The following PCDHGB6 variants were observed in gnomAD, a reference collection of about 807,000 sequenced individuals.
PCDHGB6 encodes protocadherin gamma subfamily B, 6.
Under a neutral mutation model 59.1 loss-of-function variants are expected in PCDHGB6, and 51 were observed. The observed-to-expected ratio is 0.86, with a 90% CI of 0.69 to 1.09. The LOEUF is 1.09. PCDHGB6 is among the 50% of genes least tolerant of loss of function. The probability of loss-of-function intolerance (pLI) is 0.00; values close to 1 mark genes in which losing one functional copy is unlikely to be tolerated. For missense variants in PCDHGB6, 1,148 were observed against 1,205.1 expected, an observed-to-expected ratio of 0.95 and a Z score of 0.70; for synonymous variants, 466 against 495.1, an observed-to-expected ratio of 0.94 and a Z score of 0.78.
intron 1 of PCDHGB6, chr5:141,421,516 T>C (rs199973694): frequency 6.8e-6 from 11 of 1,614,064 alleles, no homozygotes; most frequent in Non-Finnish European, 9.3e-6. Context: ...GGAGGAGCTC[T>C]GTGAGACGGT....
chr5:141,430,659 G>A, intron 1 of PCDHGB6: 1 of 1,110,600 alleles, frequency 9.0e-7, no homozygotes, highest in Non-Finnish European at 1.2e-6. Context: ...AACAACGGAG[G>A]AGCTCTGACT....
intron 3 of PCDHGB6, among the ~76,000 whole-genome samples, chr5:141,509,092 G>T (rs943269087): frequency 1.3e-5 from 2 of 152,180 alleles, no homozygotes; most frequent in African/African-American, 4.8e-5. Context: ...TGAAATGGGG[G>T]CTGTAGAAAC....
intron 1 of PCDHGB6, among the ~76,000 whole-genome samples, chr5:141,425,967 G>A (rs1021171082): frequency 2.0e-5 from 3 of 152,214 alleles, no homozygotes; most frequent in Non-Finnish European, 4.4e-5. Flanking sequence ...CAACACATCA[G>A]TCTAATTCTG....
chr5:141,489,363 G>T lies in PCDHGB6; in HGVS notation c.2419-5444G>T, dbSNP rs767837736. 20 of 1,613,114 alleles carry T rather than the reference G, an allele frequency of 1.2e-5. No homozygotes were observed. Among genetic ancestry groups the T allele is most frequent in the Non-Finnish European group, 1.7e-5 (20 of 1,179,354 alleles). ...ACTCAGTGGTGGAGGAGTCTGAGCCGGGGACGCTGGTGGGGAATGTTGCTC... is the reference window on the plus strand; with the variant it reads ...ACTCAGTGGTGGAGGAGTCTGAGCCTGGGACGCTGGTGGGGAATGTTGCTC... On this transcript the variant is annotated intron_variant, in intron 1 of 3. Transcript: ENST00000520790. The surrounding 1 kb of genome is among the most constrained non-coding windows in gnomAD (Gnocchi z 4.5).
chr5:141,413,129 A>T (rs761379605), intron 1 of PCDHGB6: 41 of 1,536,352 alleles, frequency 2.7e-5, no homozygotes, highest in Non-Finnish European at 3.6e-5. Context: ...GTTGAAACAC[A>T]CAACGTGTCC....
chr5:141,486,645 C>T lies in PCDHGB6; in HGVS notation c.2419-8162C>T, dbSNP rs369948556. ...GACTCTGGCTTGAATGCGCTTATCT[C>T]CTACTCACTCCTGGAGCCCAGGAAT... On this transcript the variant is annotated intron_variant, in intron 1 of 3. Coordinates refer to ENST00000520790, the MANE Select transcript of PCDHGB6 (RefSeq NM_018926.3). This position sits in a 1 kb window ranked among gnomAD's most constrained non-coding sequence, Gnocchi z 5.0. 1.9e-6 allele frequency: 3 copies of T among 1,613,752 alleles called. No individual in the cohort carries two copies. The highest frequency in any genetic ancestry group is 2.2e-5 in the East Asian group (1 of 44,896).
rs112808093 is a variant in PCDHGB6, at chr5:141,489,579, C to A, written c.2419-5228C>A. ...CAGTGCAGGTGGTGACTGAACACCC[C>A]CTGGAGCTAATCCGTGTAGAGGTAG... On this transcript the variant is annotated intron_variant, in intron 1 of 3. Coordinates refer to ENST00000520790, the MANE Select transcript of PCDHGB6 (RefSeq NM_018926.3). This position sits in a 1 kb window ranked among gnomAD's most constrained non-coding sequence, Gnocchi z 4.5. 1.2e-6 allele frequency: 2 copies of A among 1,613,922 alleles called. No individual in the cohort carries two copies. Among genetic ancestry groups the A allele is most frequent in the African/African-American group, 2.7e-5 (2 of 74,916 alleles).
At position 141,447,418 on chromosome 5, in the gene PCDHGB6, G is replaced by A. The variant is rs113957183; in HGVS notation, c.2418+36798G>A. On this transcript the variant is annotated intron_variant, in intron 1 of 3. Transcript: ENST00000520790. ...CTCCCAAAGTGCTGGGATTACAGGC[G>A]TGAGCCACCGCACCCGGAGGAAATT... Among the ~76,000 whole-genome samples, 1,263 of 152,230 alleles carry A rather than the reference G, an allele frequency of 8.3e-3. 17 individuals carry two copies. The highest frequency in any genetic ancestry group is 0.029 in the African/African-American group (1,197 of 41,538).
At chr5:141,412,948 G>A in intron 1 of PCDHGB6, 1 of 468,334 alleles carries the variant, frequency 2.1e-6, no homozygotes, top group Non-Finnish European at 3.7e-6. Context: ...TCTGAGCGCC[G>A]CTGTTCACCT....
At position 141,491,856 on chromosome 5, in the gene PCDHGB6, C is replaced by T; in HGVS notation, c.2419-2951C>T. 1.4e-6 allele frequency: 2 copies of T among 1,458,728 alleles called. No individual in the cohort carries two copies. Among genetic ancestry groups the T allele is most frequent in the Non-Finnish European group, 1.8e-6 (2 of 1,103,072 alleles). 90.4% of individuals were successfully genotyped at this position (1,458,728 alleles called of 1,614,324 possible). A position where few individuals can be genotyped will look rare whatever the true frequency, so the allele number is the denominator to read the frequency against. ...TCTCGGGATCATTGGACCGTTTGCG[C>T]GAAACCAGAGTGGCCGATTAAGGGA... On this transcript the variant is annotated intron_variant, in intron 1 of 3. Coordinates refer to ENST00000520790, the MANE Select transcript of PCDHGB6 (RefSeq NM_018926.3). The surrounding 1 kb of genome is among the most constrained non-coding windows in gnomAD (Gnocchi z 6.9).
At chr5:141,421,895 G>C in intron 1 of PCDHGB6, 1 of 1,613,730 alleles carries the variant, frequency 6.2e-7, no homozygotes, top group Non-Finnish European at 8.5e-7. Context: ...GATCCCATCC[G>C]AAAGGGCGCA....
At position 141,512,114 on chromosome 5, in the gene PCDHGB6, C is replaced by T. The variant is rs2099884080; in HGVS notation, c.*941C>T. ...TAACTAGGCTGGACCCTTCCCACTA[C>T]ATAATAGGGCTCAGCCCAGGCAGCC... On this transcript the variant is annotated 3_prime_UTR_variant, in exon 4 of 4. Coordinates refer to ENST00000520790, the MANE Select transcript of PCDHGB6 (RefSeq NM_018926.3). 2 of 152,696 alleles carry T rather than the reference C, an allele frequency of 1.3e-5. No homozygotes were observed. Among genetic ancestry groups the T allele is most frequent in the African/African-American group, 4.8e-5 (2 of 41,468 alleles). 9.5% of individuals were successfully genotyped at this position (152,696 alleles called of 1,614,324 possible).
intron 1 of PCDHGB6, among the ~76,000 whole-genome samples, chr5:141,457,480 G>T (rs566798464): frequency 6.6e-6 from 1 of 152,148 alleles, no homozygotes; most frequent in African/African-American, 2.4e-5. Context: ...GCAGGGCCAG[G>T]GTTAGTCTAA....
Position 141,408,287 on chromosome 5 carries a change from C to G in PCDHGB6, c.85C>G (p.Leu29Val), listed in dbSNP as rs2095075582. ...PLLLPLFYPT[L>V]SEPIRYSIPE... ...GCTGCTGCCTTTGTTCTACCCCACC[C>G]TGAGTGAGCCGATCCGCTACTCGAT... The change falls in exon 1 of 4, where the codon CTG (leucine) becomes GTG (valine). Residue 29 changes from leucine (L) to valine (V), a missense_variant. By Grantham distance (32) the Leu-to-Val change is conservative. Around this residue, in one of 5 missense-constraint regions of PCDHGB6, gnomAD observed 307 missense variants for 323.8 expected, o/e 0.95. Coordinates refer to ENST00000520790, the MANE Select transcript of PCDHGB6 (RefSeq NM_018926.3). The G allele has an allele frequency of 6.2e-7, 1 of 1,613,354 alleles. No individual in the cohort carries two copies. Among genetic ancestry groups the G allele is most frequent in the African/African-American group, 1.3e-5 (1 of 74,934 alleles).
intron 1 of PCDHGB6, chr5:141,475,934 G>C (rs754356530): frequency 3.0e-6 from 2 of 665,118 alleles, no homozygotes; most frequent in Non-Finnish European, 5.0e-6. Context: ...TCGGGCCCCT[G>C]CCCGTCCCCT....
At chr5:141,437,660 G>A (rs1021986333) in intron 1 of PCDHGB6, among the ~76,000 whole-genome samples, 6 of 151,866 alleles carry the variant, frequency 4.0e-5, no homozygotes, top group Non-Finnish European at 5.9e-5. Flanking sequence ...ACATAGTTTC[G>A]AAGAGATGTT....
intron 3 of PCDHGB6, among the ~76,000 whole-genome samples, chr5:141,505,981 A>G (rs1285802357): frequency 6.6e-6 from 1 of 151,898 alleles, no homozygotes; most frequent in Non-Finnish European, 1.5e-5. Context: ...CCGAGAGAAC[A>G]CCTCCTCTTT....
At chr5:141,428,175 G>A (rs766332920) in intron 1 of PCDHGB6, 20 of 1,508,456 alleles carry the variant, frequency 1.3e-5, no homozygotes, top group Non-Finnish European at 1.8e-5. Flanking sequence ...GTGCGTGACG[G>A]AGGACAGCCG....
At chr5:141,438,136 A>C (rs2097931548) in intron 1 of PCDHGB6, among the ~76,000 whole-genome samples, 1 of 152,186 alleles carries the variant, frequency 6.6e-6, no homozygotes, top group Non-Finnish European at 1.5e-5. Flanking sequence ...TAATGGCAAA[A>C]GATAGCCAGC....
Sources: gnomAD v4.1 joint callset for allele counts (sites outside exome capture counted in the v4.1 genomes callset) on GRCh38, gnomAD v4.1.1 for gene constraint, gnomAD v4.1.1 regional missense constraint, Gnocchi (gnomAD v3.1) non-coding constraint, MANE v1.5 for transcripts, NCBI Gene and HGNC (gene_info 2026-07-23, HGNC 2026-07-21) for gene names.